Variants in HCN1 observed in about 807,000 individuals in gnomAD.
The protein encoded by HCN1 is hyperpolarization activated cyclic nucleotide gated potassium channel 1, also known as potassium/sodium hyperpolarization-activated cyclic nucleotide-gated channel 1.
HCN1 carries 13 observed loss-of-function variants against 78.9 expected under a neutral mutation model. The ratio of observed to expected loss-of-function variants is 0.16; its 90% CI spans 0.11 to 0.26. The LOEUF is 0.26. Among genes scored for constraint, HCN1 ranks in the 10% least tolerant of loss-of-function variants. The pLI, the probability that HCN1 is intolerant of heterozygous loss-of-function variation, is 1.00. For missense variants in HCN1, 810 were observed against 1,154.3 expected, an observed-to-expected ratio of 0.70 and a Z score of 4.32; for synonymous variants, 552 against 455.5, an observed-to-expected ratio of 1.21 and a Z score of -2.70.
intron 2 of HCN1, among the ~76,000 whole-genome samples, chr5:45,543,945 G>C (rs1743155868): frequency 6.6e-6 from 1 of 152,046 alleles, no homozygotes; most frequent in Non-Finnish European, 1.5e-5. Context: ...GTCATGGTGG[G>C]AAGGTGAGTT....
chr5:45,626,442 G>C lies in HCN1; in HGVS notation c.849+18743C>G, dbSNP rs953194595. Among the ~76,000 whole-genome samples the C allele has an allele frequency of 5.3e-5, 8 of 152,194 alleles. No homozygotes were observed. The East Asian group carries it at 1.5e-3, about 29-fold the overall frequency. ...TGAGAATTGTGTACTAATCAATTAT[G>C]AACCAGCCAGCATCCTACTAGAGAC... On this transcript the variant is annotated intron_variant, in intron 2 of 7. Transcript: ENST00000303230.
rs538821789 is a variant in HCN1 at position 45,569,115 on chromosome 5, T to G, written c.849+76070A>C. Among the ~76,000 whole-genome samples the G allele has an allele frequency of 2.0e-5, 3 of 152,266 alleles. No homozygotes were observed. In the Middle Eastern group the frequency reaches 0.01, roughly 518 times the overall value. ...AGGAAATAATCTGAACAGACAGACC[T>G]TGCTAAGTTACCTCCAGCTAATGAC... On this transcript the variant is annotated intron_variant, in intron 2 of 7. Coordinates refer to ENST00000303230, the MANE Select transcript of HCN1 (RefSeq NM_021072.4).
intron 1 of HCN1, among the ~76,000 whole-genome samples, chr5:45,665,217 A>G (rs1241613933): frequency 1.3e-5 from 2 of 149,560 alleles, no homozygotes; most frequent in Non-Finnish European, 3.0e-5. Flanking sequence ...CAAACACCAC[A>G]TGTTCTCACT....
At chr5:45,626,416 C>G (rs1367383608) in intron 2 of HCN1, among the ~76,000 whole-genome samples, 1 of 152,098 alleles carries the variant, frequency 6.6e-6, no homozygotes, top group Non-Finnish European at 1.5e-5. Flanking sequence ...TATCTAAGCA[C>G]TGAGAATTGT....
At chr5:45,385,651 A>T (rs932243744) in intron 4 of HCN1, among the ~76,000 whole-genome samples, 4 of 150,626 alleles carry the variant, frequency 2.7e-5, no homozygotes, top group Non-Finnish European at 4.4e-5. Flanking sequence ...GGTATGTTTC[A>T]GTGGTTATTA....
At chr5:45,349,407 C>A (rs1055649605) in intron 5 of HCN1, among the ~76,000 whole-genome samples, 6 of 152,066 alleles carry the variant, frequency 3.9e-5, no homozygotes, top group African/African-American at 1.4e-4. Flanking sequence ...ACTAAATGCC[C>A]ACAAGAGAAA....
intron 2 of HCN1, among the ~76,000 whole-genome samples, chr5:45,563,010 G>C (rs770214285): frequency 6.6e-6 from 1 of 152,156 alleles, no homozygotes; most frequent in Non-Finnish European, 1.5e-5. Context: ...AGTTTTGTTT[G>C]TAGAAACAAA....
intron 2 of HCN1, among the ~76,000 whole-genome samples, chr5:45,495,228 A>T (rs1324303982): frequency 1.0e-5 from 1 of 100,458 alleles, no homozygotes; most frequent in Non-Finnish European, 2.0e-5. Flanking sequence ...CTTCCTACCC[A>T]TGAGCATGGA....
intron 3 of HCN1, among the ~76,000 whole-genome samples, chr5:45,453,787 A>T (rs1024791838): frequency 2.6e-5 from 4 of 152,156 alleles, no homozygotes; most frequent in Admixed American, 2.6e-4. Flanking sequence ...TGTGTTATAC[A>T]TACATGAATA....
intron 1 of HCN1, among the ~76,000 whole-genome samples, chr5:45,650,231 G>A (rs1561232179): frequency 6.6e-6 from 1 of 152,022 alleles, no homozygotes; most frequent in African/African-American, 2.4e-5. Context: ...TCTGTGTGAG[G>A]ACTACATGCA....
intron 1 of HCN1, among the ~76,000 whole-genome samples, chr5:45,664,679 C>A (rs1745997561): frequency 6.6e-6 from 1 of 151,862 alleles, no homozygotes; most frequent in Admixed American, 6.6e-5. Context: ...ATTTATGCAG[C>A]CAAAAAACAC....
rs1746950306 is a variant in HCN1, at chr5:45,353,357, A to G, written c.1231-111T>C. 6.1e-6 allele frequency: 5 copies of G among 820,320 alleles called. No homozygotes were observed. In the Admixed American group the frequency reaches 9.0e-5, roughly 15 times the overall value. 50.8% of individuals were successfully genotyped at this position (820,320 alleles called of 1,614,324 possible). A position where few individuals can be genotyped will look rare whatever the true frequency, so the allele number is the denominator to read the frequency against. Reference sequence around the variant, plus strand: ...ATATTTGAATACTCAGTTACAAAAAAAAAGAAATCCTTTAAGATGAAGGAA... The same window carrying G: ...ATATTTGAATACTCAGTTACAAAAAGAAAGAAATCCTTTAAGATGAAGGAA... On this transcript the variant is annotated intron_variant, in intron 4 of 7. Coordinates refer to ENST00000303230, the MANE Select transcript of HCN1 (RefSeq NM_021072.4).
chr5:45,636,695 T>A (rs552861380), intron 2 of HCN1, among the ~76,000 whole-genome samples: 7 of 151,842 alleles, frequency 4.6e-5, no homozygotes, highest in South Asian at 4.2e-4. Context: ...AAAAGAAAAA[T>A]TTTTTAAATT....
chr5:45,676,909 T>C (rs1164471628), intron 1 of HCN1, among the ~76,000 whole-genome samples: 4 of 151,966 alleles, frequency 2.6e-5, no homozygotes, highest in Admixed American at 2.6e-4. Context: ...AGCTATCATC[T>C]AGCCATCAAT....
At chr5:45,546,318 CT>C (rs200368197) in intron 2 of HCN1, among the ~76,000 whole-genome samples, 17 of 151,786 alleles carry the variant, frequency 1.1e-4, no homozygotes, top group South Asian at 2.1e-4. Flanking sequence ...TTATATATCA[CT>C]TTTTTTTCAT....
chr5:45,286,867 T>A (rs1226217777), intron 6 of HCN1, among the ~76,000 whole-genome samples: 1 of 151,960 alleles, frequency 6.6e-6, no homozygotes, highest in Non-Finnish European at 1.5e-5. Flanking sequence ...GAAAAATTGG[T>A]GATGAAACGC....
At chr5:45,632,929 A>G (rs1745292833) in intron 2 of HCN1, among the ~76,000 whole-genome samples, 2 of 152,016 alleles carry the variant, frequency 1.3e-5, no homozygotes, top group Non-Finnish European at 2.9e-5. Context: ...CTACAGGATA[A>G]CTGATTTGCT....
chr5:45,581,376 T>C (rs906951509), intron 2 of HCN1, among the ~76,000 whole-genome samples: 12 of 152,204 alleles, frequency 7.9e-5, no homozygotes, highest in African/African-American at 2.9e-4. Flanking sequence ...TGTTTGTTTT[T>C]TTCTTGTAAA....
intron 6 of HCN1, among the ~76,000 whole-genome samples, chr5:45,280,457 T>G (rs1233162673): frequency 2.0e-5 from 3 of 152,218 alleles, no homozygotes; most frequent in Non-Finnish European, 4.4e-5. Context: ...ACCTCAGCCC[T>G]ACTGACATTT....
Sources: allele counts gnomAD v4.1 joint callset (sites outside exome capture counted in the v4.1 genomes callset), GRCh38; gene constraint gnomAD v4.1.1; transcripts MANE v1.5; gene names NCBI Gene and HGNC (gene_info 2026-07-23, HGNC 2026-07-21).